AGBL4: variants seen among roughly 807,000 people sequenced by gnomAD.
AGBL4 encodes the protein AGBL carboxypeptidase 4.
In AGBL4, 58 loss-of-function variants were observed where a neutral mutation model predicts 66.4. The ratio of observed to expected loss-of-function variants is 0.87; its 90% CI spans 0.71 to 1.09. The LOEUF is 1.09. Ranked by LOEUF, AGBL4 falls within the 50% of genes least tolerant of loss-of-function variation. The probability of loss-of-function intolerance (pLI) is 0.00; values close to 1 mark genes in which losing one functional copy is unlikely to be tolerated. For missense variants in AGBL4, 579 were observed against 631.0 expected (o/e 0.92, Z 0.88); for synonymous variants, 234 against 222.9 (o/e 1.05, Z -0.44).
At chr1:49,082,926 G>A (rs1488956091) in intron 4 of AGBL4, among the ~76,000 whole-genome samples, 1 of 152,202 alleles carries the variant, frequency 6.6e-6, no homozygotes, top group African/African-American at 2.4e-5. Flanking sequence ...GGGAGAAATT[G>A]GCCAAAACAA....
chr1:48,861,235 A>G (rs1173153292), intron 6 of AGBL4, among the ~76,000 whole-genome samples: 1 of 152,212 alleles, frequency 6.6e-6, no homozygotes, highest in African/African-American at 2.4e-5. Context: ...AATAAAAGTT[A>G]TGAAAAATCA....
intron 5 of AGBL4, among the ~76,000 whole-genome samples, chr1:48,987,898 C>T (rs1397384936): frequency 6.6e-6 from 1 of 152,120 alleles, no homozygotes; most frequent in Non-Finnish European, 1.5e-5. Flanking sequence ...TCTATGAAGA[C>T]ACCAGCCTAT....
At chr1:48,687,679 C>G (rs1646557043) in intron 6 of AGBL4, among the ~76,000 whole-genome samples, 1 of 152,184 alleles carries the variant, frequency 6.6e-6, no homozygotes, top group Non-Finnish European at 1.5e-5. Context: ...CTCTCTGAGC[C>G]TCACTGTCCT....
intron 3 of AGBL4, among the ~76,000 whole-genome samples, chr1:49,619,862 C>T (rs545716563): frequency 1.3e-5 from 2 of 152,138 alleles, no homozygotes; most frequent in African/African-American, 2.4e-5. Context: ...CAAAAACAAG[C>T]AATGGGGAAA....
At chr1:48,594,849 A>C (rs1644971479) in intron 9 of AGBL4, among the ~76,000 whole-genome samples, 1 of 152,098 alleles carries the variant, frequency 6.6e-6, no homozygotes, top group South Asian at 2.1e-4. Flanking sequence ...ACCTGCCCAT[A>C]AAACTCCTCG....
chr1:48,574,930 G>T (rs142324247), intron 11 of AGBL4, among the ~76,000 whole-genome samples: 3 of 152,184 alleles, frequency 2.0e-5, no homozygotes, highest in Admixed American at 6.5e-5. Context: ...GGGAGAGTTT[G>T]TGCTCCTGTA....
chr1:48,661,867 G>A (rs780289848), intron 7 of AGBL4, among the ~76,000 whole-genome samples: 4 of 152,166 alleles, frequency 2.6e-5, no homozygotes, highest in South Asian at 2.1e-4. Context: ...GACAGATGGC[G>A]CAAGTAAAGG....
chr1:49,254,266 C>T (rs1652301612), intron 3 of AGBL4, among the ~76,000 whole-genome samples: 1 of 152,028 alleles, frequency 6.6e-6, no homozygotes, highest in African/African-American at 2.4e-5. Context: ...CATCTCAGCC[C>T]CATCATCTCA....
At chr1:49,171,539 G>A (rs1407490667) in intron 4 of AGBL4, among the ~76,000 whole-genome samples, 3 of 152,102 alleles carry the variant, frequency 2.0e-5, no homozygotes, top group Non-Finnish European at 2.9e-5. Context: ...GGAAACGAGT[G>A]ATGTAGGAGA....
chr1:48,594,171 C>G (rs1644961003), intron 9 of AGBL4, among the ~76,000 whole-genome samples: 1 of 151,792 alleles, frequency 6.6e-6, no homozygotes, highest in Non-Finnish European at 1.5e-5. Context: ...ACTAAAAATA[C>G]AAAAAAATTA....
intron 4 of AGBL4, among the ~76,000 whole-genome samples, chr1:49,243,625 A>G (rs1651410139): frequency 1.3e-5 from 2 of 151,858 alleles, no homozygotes; most frequent in African/African-American, 4.8e-5. Context: ...CAGATCTTTT[A>G]TAGCATATTC....
intron 3 of AGBL4, among the ~76,000 whole-genome samples, chr1:49,455,033 G>A (rs541720645): frequency 4.6e-5 from 7 of 151,556 alleles, no homozygotes. Flanking sequence ...TTTAAAGAGA[G>A]GTTAAGTAAC....
intron 2 of AGBL4, among the ~76,000 whole-genome samples, chr1:49,697,889 A>C (rs1006899908): frequency 6.6e-6 from 1 of 152,184 alleles, no homozygotes; most frequent in Non-Finnish European, 1.5e-5. Flanking sequence ...TATGGTTTGT[A>C]CTGAGCTTCT....
At chr1:49,518,025 C>A (rs1649968788) in intron 3 of AGBL4, among the ~76,000 whole-genome samples, 1 of 152,082 alleles carries the variant, frequency 6.6e-6, no homozygotes, top group Non-Finnish European at 1.5e-5. Flanking sequence ...TGGTGCCTAT[C>A]ATTTGCCACA....
intron 3 of AGBL4, among the ~76,000 whole-genome samples, chr1:49,384,597 C>A (rs1644696645): frequency 6.6e-6 from 1 of 151,814 alleles, no homozygotes; most frequent in Non-Finnish European, 1.5e-5. Flanking sequence ...CATCTAAAAA[C>A]AAACAAACAA....
intron 2 of AGBL4, among the ~76,000 whole-genome samples, chr1:49,848,666 G>A (rs1646220945): frequency 6.6e-6 from 1 of 152,112 alleles, no homozygotes; most frequent in African/African-American, 2.4e-5. Context: ...AGGGTAGGAG[G>A]GGTCAGGGAA....
chr1:48,914,569 T>A (rs1557456084), intron 5 of AGBL4, among the ~76,000 whole-genome samples: 1 of 152,250 alleles, frequency 6.6e-6, no homozygotes, highest in East Asian at 1.9e-4. Context: ...CCAAAGCTGA[T>A]GTGAAGGCAG....
intron 3 of AGBL4, among the ~76,000 whole-genome samples, chr1:49,419,675 G>A (rs755575548): frequency 1.3e-5 from 2 of 152,142 alleles, no homozygotes; most frequent in African/African-American, 2.4e-5. Flanking sequence ...AAAATAAACA[G>A]ATTAAATCCT....
chr1:49,853,931 C>A (rs1166247004), intron 1 of AGBL4, among the ~76,000 whole-genome samples: 4 of 151,838 alleles, frequency 2.6e-5, no homozygotes, highest in African/African-American at 4.8e-5. Flanking sequence ...GAAACGCCAA[C>A]AATAGTTCTT....
Sources: allele counts gnomAD v4.1 joint callset (sites outside exome capture counted in the v4.1 genomes callset), GRCh38; gene constraint gnomAD v4.1.1; transcripts MANE v1.5; gene names NCBI Gene and HGNC (gene_info 2026-07-23, HGNC 2026-07-21).